CDK13: variants seen among roughly 807,000 people sequenced by gnomAD.
CDK13 encodes cyclin dependent kinase 13.
CDK13 carries 40 observed loss-of-function variants against 137.6 expected under a neutral mutation model. The ratio of observed to expected loss-of-function variants is 0.29; its 90% CI spans 0.23 to 0.38. The LOEUF (loss-of-function observed/expected upper bound fraction) is 0.38, where lower values mean the gene tolerates loss of function less well. CDK13 is among the 10% of genes least tolerant of loss of function. The pLI is 1.00. For synonymous variants in CDK13, 869 were observed against 760.1 expected (o/e 1.14, Z -2.36); for missense variants, 1,704 against 1,951.8 (o/e 0.87, Z 2.39).
At chr7:40,051,087 GA>G (rs1785877308) in intron 7 of CDK13, among the ~76,000 whole-genome samples, 1 of 152,246 alleles carries the variant, frequency 6.6e-6, no homozygotes, top group Non-Finnish European at 1.5e-5. Context: ...GATTGATGTA[GA>G]AATTTTGAGT....
chr7:40,091,534 T>A (rs1786924127), intron 12 of CDK13, among the ~76,000 whole-genome samples: 1 of 151,140 alleles, frequency 6.6e-6, no homozygotes, highest in South Asian at 2.1e-4. Context: ...AGAAGGAGAA[T>A]TCTGGTTTTT....
intron 9 of CDK13, among the ~76,000 whole-genome samples, chr7:40,074,752 T>G (rs1170129391): frequency 6.7e-6 from 1 of 150,078 alleles, no homozygotes; most frequent in African/African-American, 2.5e-5. Flanking sequence ...GACCGGGAGG[T>G]CGAGGCTTCA....
intron 5 of CDK13, among the ~76,000 whole-genome samples, chr7:40,002,947 T>C (rs941651759): frequency 2.7e-5 from 4 of 149,430 alleles, no homozygotes; most frequent in African/African-American, 7.4e-5. Context: ...TGCTTGGTGG[T>C]ACATGCCTTT....
intron 9 of CDK13, among the ~76,000 whole-genome samples, chr7:40,074,210 A>C (rs939727523): frequency 2.0e-5 from 3 of 151,492 alleles, no homozygotes; most frequent in Non-Finnish European, 4.4e-5. Flanking sequence ...AAGCTTTTCT[A>C]ATTAATTGCT....
Position 39,976,323 on chromosome 7 carries a change from T to TCTCTCTCACACACACACA in CDK13, c.1212-11275_1212-11274insTCTCTCACACACACACAC. 9.6e-3 allele frequency among the ~76,000 whole-genome samples: 381 copies of TCTCTCTCACACACACACA among 39,534 alleles called. 9 individuals are homozygous for TCTCTCTCACACACACACA. The highest frequency in any genetic ancestry group is 0.017 in the Non-Finnish European group (299 of 17,086). 25.9% of individuals were successfully genotyped at this position (39,534 alleles called of 152,430 possible). On this transcript the variant is annotated intron_variant, in intron 1 of 13. Coordinates refer to ENST00000181839, the MANE Select transcript of CDK13 (RefSeq NM_003718.5). ...CTCTCTCTCTCTCTCTCTCTCTCTC[T>TCTCTCTCACACACACACA]CACACACACACACACACACACACAC...
Position 39,979,216 on chromosome 7 carries a change from CTTTTTT to C in CDK13, c.1212-8372_1212-8367del, listed in dbSNP as rs71560152. Among the ~76,000 whole-genome samples, 964 of 130,890 alleles carry C rather than the reference CTTTTTT, an allele frequency of 7.4e-3. 11 individuals carry two copies. Among genetic ancestry groups the C allele is most frequent in the African/African-American group, 0.025 (893 of 35,116 alleles). 85.9% of individuals were successfully genotyped at this position (130,890 alleles called of 152,430 possible). On this transcript the variant is annotated intron_variant, in intron 1 of 13. Transcript: ENST00000181839. Reference sequence around the variant, plus strand: ...GTAGATTTTTTTCTTTCTTTTTTTTCTTTTTTTTTTTTTTTTGAGACAGAGTTTTCG... The same window carrying C: ...GTAGATTTTTTTCTTTCTTTTTTTTCTTTTTTTTTTGAGACAGAGTTTTCG...
At chr7:40,052,650 C>T (rs1379191236) in intron 7 of CDK13, among the ~76,000 whole-genome samples, 1 of 152,094 alleles carries the variant, frequency 6.6e-6, no homozygotes, top group Admixed American at 6.6e-5. Context: ...ACGCACACAC[C>T]TTTTTGAAGG....
chr7:40,007,616 C>T (rs968624221), intron 5 of CDK13, among the ~76,000 whole-genome samples: 7 of 151,974 alleles, frequency 4.6e-5, no homozygotes, highest in African/African-American at 1.7e-4. Flanking sequence ...TTAGTAGAGA[C>T]GGGGTTTCAC....
intron 1 of CDK13, among the ~76,000 whole-genome samples, chr7:39,964,793 G>T (rs1783830666): frequency 6.6e-6 from 1 of 151,984 alleles, no homozygotes. Context: ...ACACTGCTTT[G>T]AATGTGTCCC....
intron 1 of CDK13, among the ~76,000 whole-genome samples, chr7:39,974,165 G>C (rs942293127): frequency 3.9e-5 from 6 of 152,122 alleles, no homozygotes; most frequent in African/African-American, 1.4e-4. Flanking sequence ...AAAATTTTTT[G>C]TTTCATCACT....
At chr7:39,967,881 G>C (rs1476687041) in intron 1 of CDK13, among the ~76,000 whole-genome samples, 1 of 151,164 alleles carries the variant, frequency 6.6e-6, no homozygotes, top group South Asian at 2.1e-4. Flanking sequence ...TTGGCCATTT[G>C]TATGTCCTTT....
chr7:40,087,590 C>G (rs954813711), intron 11 of CDK13, among the ~76,000 whole-genome samples: 1 of 146,334 alleles, frequency 6.8e-6, no homozygotes, highest in African/African-American at 2.7e-5. Context: ...GCTGTGTCAC[C>G]CAGGCTGGAG....
intron 7 of CDK13, among the ~76,000 whole-genome samples, chr7:40,057,318 A>G (rs568080564): frequency 6.6e-6 from 1 of 152,316 alleles, no homozygotes; most frequent in East Asian, 1.9e-4. Flanking sequence ...TTATTTAACC[A>G]TACCACCAAG....
At chr7:40,078,968 TAAAG>T (rs781443569) in intron 11 of CDK13, 117 bp downstream of exon 11, 2 of 314,492 alleles carry the variant, frequency 6.4e-6, no homozygotes, top group Non-Finnish European at 9.9e-6. Context: ...AAAAATATAA[TAAAG>T]GAAAGATAAA....
intron 2 of CDK13, among the ~76,000 whole-genome samples, chr7:39,993,849 C>T (rs1394511168): frequency 6.6e-6 from 1 of 152,066 alleles, no homozygotes; most frequent in East Asian, 1.9e-4. Context: ...TTGATACAAA[C>T]TGTCACATTA....
intron 5 of CDK13, among the ~76,000 whole-genome samples, chr7:40,009,230 A>G (rs1784849773): frequency 6.6e-6 from 1 of 152,232 alleles, no homozygotes; most frequent in African/African-American, 2.4e-5. Flanking sequence ...GTCTTATTTA[A>G]TAAAATGCTT....
chr7:40,089,437 CAAAAA>C (rs67433312), intron 12 of CDK13, among the ~76,000 whole-genome samples: 2 of 123,804 alleles, frequency 1.6e-5, no homozygotes, highest in Non-Finnish European at 1.7e-5. Flanking sequence ...GAGACTGTCT[CAAAAA>C]AAAAAAAAAA....
intron 1 of CDK13, among the ~76,000 whole-genome samples, chr7:39,972,418 G>C (rs926926523): frequency 2.6e-5 from 4 of 152,142 alleles, no homozygotes; most frequent in African/African-American, 7.2e-5. Context: ...ACTAATTTGA[G>C]AATATTTCAG....
chr7:40,094,715 A>G lies in CDK13; in HGVS notation c.4274A>G (p.His1425Arg). 1 of 1,614,202 alleles carries G rather than the reference A, an allele frequency of 6.2e-7. No homozygotes were observed. The highest frequency in any genetic ancestry group is 8.5e-7 in the Non-Finnish European group (1 of 1,180,034). ...ATGTTGTTTAGTGGAGACAAGGACC[A>G]TAGATTTGAATATAGCCATGGTCCT... ...GPMLFSGDKD[H>R]RFEYSHGPIA... Residue 1425 changes from histidine to arginine, a missense_variant, in exon 14 of 14, where the codon CAT (histidine) becomes CGT (arginine). This residue lies in a region of CDK13 where 475 missense variants were observed against 579.3 expected (regional missense o/e 0.82). Transcript: ENST00000181839.
Sources: allele counts gnomAD v4.1 joint callset (sites outside exome capture counted in the v4.1 genomes callset), GRCh38; gene constraint gnomAD v4.1.1; regional missense constraint gnomAD v4.1.1; transcripts MANE v1.5; gene names NCBI Gene and HGNC (gene_info 2026-07-23, HGNC 2026-07-21).